AKAP11: variants seen among roughly 807,000 people sequenced by gnomAD.
AKAP11 encodes the protein A-kinase anchor protein 11.
In AKAP11, 36 loss-of-function variants were observed where a neutral mutation model predicts 146.1. The observed-to-expected ratio is 0.25, with a 90% confidence interval of 0.19 to 0.33. The LOEUF (loss-of-function observed/expected upper bound fraction) is 0.33, where lower values mean the gene tolerates loss of function less well. AKAP11 is among the 10% of genes least tolerant of loss of function. AKAP11 has a pLI of 1.00. For synonymous variants in AKAP11, 780 were observed against 786.5 expected, an observed-to-expected ratio of 0.99 and a Z score of 0.14; for missense variants, 2,201 against 2,197.0, an observed-to-expected ratio of 1.00 and a Z score of -0.04.
chr13:42,272,395 T>G (rs1040377082), intron 1 of AKAP11, among the ~76,000 whole-genome samples, 167 bp downstream of exon 1: 2 of 151,978 alleles, frequency 1.3e-5, no homozygotes, highest in Admixed American at 6.5e-5. Context: ...CGCCTTCGCA[T>G]GGCGGAGGGA....
chr13:42,273,209 T>A (rs1958822584), intron 1 of AKAP11, among the ~76,000 whole-genome samples: 1 of 152,248 alleles, frequency 6.6e-6, no homozygotes, highest in Admixed American at 6.5e-5. Flanking sequence ...TGTTATTTTG[T>A]TATGTCTGAA....
chr13:42,302,877 A>G lies in AKAP11; in HGVS notation c.4131A>G (p.Lys1377=). 6.2e-7 allele frequency: 1 copy of G among 1,614,130 alleles called. No individual in the cohort carries two copies. Among genetic ancestry groups the G allele is most frequent in the African/African-American group, 1.3e-5 (1 of 75,068 alleles). ...ATAGGCTTGCCTACCGATCTGTTAA[A>G]TCAGGATTACAGGAAGCAGCTAAGA... is the stretch of plus-strand genomic sequence containing the variant. ...YANRLAYRSV[K]SGLQEAAKTT... The change falls in exon 8 of 13, where the codon AAA becomes AAG. Residue 1377 remains lysine, a synonymous_variant. Transcript: ENST00000025301.
Position 42,297,110 on chromosome 13 carries a change from A to C in AKAP11, c.279A>C (p.Leu93=). The change falls in exon 6 of 13, where the codon CTA becomes CTC. Residue 93 remains leucine, a synonymous_variant. Coordinates refer to ENST00000025301, the MANE Select transcript of AKAP11 (RefSeq NM_016248.4). ...DILNSLHFCS[L]NENEIICMKN... ...TGAATTCACTCCACTTCTGCAGTCT[A>C]AATGAAAATGAAATTATTTGTATGA... 6.3e-7 allele frequency: 1 copy of C among 1,587,178 alleles called. No individual in the cohort carries two copies.
At position 42,301,836 on chromosome 13, in the gene AKAP11, A is replaced by G; in HGVS notation, c.3090A>G (p.Thr1030=). ...CACTGCCATCTTGTCCAGCTGTGAC[A>G]GGTCAGAAATCTGACTTGAAGGAAT... ...LETLPSCPAV[T]GQKSDLKESA... The change falls in exon 8 of 13, where the codon ACA becomes ACG. Residue 1030 remains threonine (T), a synonymous_variant. Coordinates refer to ENST00000025301, the MANE Select transcript of AKAP11 (RefSeq NM_016248.4). 3.1e-6 allele frequency: 5 copies of G among 1,614,178 alleles called. No homozygotes were observed. Among genetic ancestry groups the G allele is most frequent in the Non-Finnish European group, 4.2e-6 (5 of 1,180,002 alleles).
intron 9 of AKAP11, among the ~76,000 whole-genome samples, chr13:42,310,490 A>C (rs1000093202): frequency 6.6e-6 from 1 of 152,236 alleles, no homozygotes; most frequent in African/African-American, 2.4e-5. Context: ...GATATGTTGC[A>C]TCTGTTGATG....
intron 3 of AKAP11, among the ~76,000 whole-genome samples, chr13:42,288,226 T>C (rs1281511888): frequency 6.6e-6 from 1 of 152,222 alleles, no homozygotes; most frequent in Non-Finnish European, 1.5e-5. Context: ...AAATATTTAT[T>C]GGGAATTAAT....
In AKAP11 at chr13:42,302,713, C is replaced by A; in HGVS notation, c.3967C>A (p.Pro1323Thr). 6.2e-7 allele frequency: 1 copy of A among 1,613,886 alleles called. No homozygotes were observed. The highest frequency in any genetic ancestry group is 8.5e-7 in the Non-Finnish European group (1 of 1,179,974). ...AGTGGATCCGTTTATTCTTTCATTA[C>A]CACCAAGTTCTTGTATGTCAGGTCT... ...REVDPFILSLPPSSCMSGLMY... is the reference protein window; with the variant it reads ...REVDPFILSLTPSSCMSGLMY... The change falls in exon 8 of 13, where the codon CCA becomes ACA. Residue 1323 changes from proline to threonine, a missense_variant. Transcript: ENST00000025301.
chr13:42,319,943 G>GTGTGTGTGTGTT lies in AKAP11; in HGVS notation c.*722_*723insGTGTTTGTGTGT, dbSNP rs1961012200. 1 of 145,874 alleles carries GTGTGTGTGTGTT rather than the reference G, an allele frequency of 6.9e-6. No homozygotes were observed. Among genetic ancestry groups the GTGTGTGTGTGTT allele is most frequent in the Non-Finnish European group, 1.5e-5 (1 of 64,830 alleles). 9.0% of individuals were successfully genotyped at this position (145,874 alleles called of 1,614,324 possible). A position where few individuals can be genotyped will look rare whatever the true frequency, so the allele number is the denominator to read the frequency against. On this transcript the variant is annotated 3_prime_UTR_variant, in exon 13 of 13. Coordinates refer to ENST00000025301, the MANE Select transcript of AKAP11 (RefSeq NM_016248.4). ...TGTGTGTGTGTGTGTGTGTGTGTGTGTGTGTGTAAGGGAGTACTTTAACCT... is the reference window on the plus strand; with the variant it reads ...TGTGTGTGTGTGTGTGTGTGTGTGTGTGTGTGTGTGTTTGTGTGTAAGGGAGTACTTTAACCT...
intron 3 of AKAP11, 53 bp downstream of exon 3, chr13:42,286,452 A>AT (rs768803905): frequency 7.2e-4 from 1,006 of 1,397,500 alleles, no homozygotes; most frequent in South Asian, 1.2e-3. Context: ...TAAAATGTTG[A>AT]TTTTTTTTTA....
chr13:42,313,737 G>A (rs1447510575), intron 10 of AKAP11, among the ~76,000 whole-genome samples, 157 bp from the exon 11 acceptor site: 3 of 152,146 alleles, frequency 2.0e-5, no homozygotes, highest in African/African-American at 7.2e-5. Context: ...AATGATGTGA[G>A]AAGCAAAGCT....
chr13:42,300,748 C>T lies in AKAP11; in HGVS notation c.2002C>T (p.Pro668Ser), dbSNP rs375186072. The T allele has an allele frequency of 6.1e-5, 98 of 1,613,940 alleles. No individual in the cohort carries two copies. The highest frequency in any genetic ancestry group is 3.3e-5 in the Admixed American group (2 of 59,990). Residue 668 changes from proline to serine, a missense_variant, in exon 8 of 13, where the codon CCT becomes TCT. This residue lies in a region of AKAP11 where 1,867 missense variants were observed against 1,833.5 expected (regional missense o/e 1.02). Transcript: ENST00000025301. ...GIMEVCQFSY[P>S]QTPASPQCGS... ...CATGGAGGTGTGTCAGTTTTCATAT[C>T]CTCAAACGCCTGCATCTCCACAGTG...
chr13:42,309,968 T>G (rs868460005), intron 9 of AKAP11, among the ~76,000 whole-genome samples: 6 of 152,162 alleles, frequency 3.9e-5, no homozygotes, highest in Admixed American at 2.0e-4. Flanking sequence ...TCTTACCGGT[T>G]TCTGTCCTTG....
At chr13:42,305,597 TATAA>T (rs1186179698) in intron 8 of AKAP11, among the ~76,000 whole-genome samples, 1 of 152,242 alleles carries the variant, frequency 6.6e-6, no homozygotes, top group Admixed American at 6.5e-5. Context: ...TTTCAGTATT[TATAA>T]ATAAAGTTTT....
In AKAP11 at chr13:42,301,124, A is replaced by G; in HGVS notation, c.2378A>G (p.His793Arg). 4 of 1,614,094 alleles carry G rather than the reference A, an allele frequency of 2.5e-6. No individual in the cohort carries two copies. Among genetic ancestry groups the G allele is most frequent in the Non-Finnish European group, 3.4e-6 (4 of 1,179,972 alleles). The change falls in exon 8 of 13, where the codon CAT (histidine) becomes CGT (arginine). Residue 793 changes from histidine (H) to arginine (R), a missense_variant. His to Arg is a conservative substitution (Grantham distance 29). Transcript: ENST00000025301. ...PLAGSALLPY[H>R]ISSTACQAKA... The stretch of plus-strand genomic sequence containing the variant: ...GCAGGAAGTGCCCTTCTCCCATATC[A>G]TATTTCATCTACTGCATGTCAGGCC...
At chr13:42,279,831 G>A (rs754513994) in intron 1 of AKAP11, among the ~76,000 whole-genome samples, 6 of 152,104 alleles carry the variant, frequency 3.9e-5, no homozygotes, top group Non-Finnish European at 8.8e-5. Context: ...TAGTTGGGGT[G>A]CACAGTTACT....
rs1260878749 is a variant in AKAP11, at chr13:42,299,997, T to C, written c.1251T>C (p.Pro417=). 1 of 1,613,968 alleles carries C rather than the reference T, an allele frequency of 6.2e-7. No individual in the cohort carries two copies. The highest frequency in any genetic ancestry group is 1.1e-5 in the South Asian group (1 of 91,074). Residue 417 remains proline (P), a synonymous_variant, in exon 8 of 13, where the codon CCT becomes CCC. Transcript: ENST00000025301. The part of the protein sequence containing the change: ...ALPANVRKPT[P]RKPESPYGNL... The stretch of plus-strand genomic sequence containing the variant: ...CAGCTAATGTTAGAAAGCCAACTCC[T>C]CGTAAACCAGAATCTCCATATGGTA...
At chr13:42,309,545 C>T (rs1030661786) in intron 9 of AKAP11, among the ~76,000 whole-genome samples, 2 of 152,036 alleles carry the variant, frequency 1.3e-5, no homozygotes, top group Admixed American at 6.6e-5. Context: ...CACTTCATCT[C>T]GAAGAGTTTT....
chr13:42,302,070 A>G lies in AKAP11; in HGVS notation c.3324A>G (p.Pro1108=). 1 of 1,614,162 alleles carries G rather than the reference A, an allele frequency of 6.2e-7. No individual in the cohort carries two copies. Residue 1108 remains proline (P), a synonymous_variant, in exon 8 of 13, where the codon CCA becomes CCG. Coordinates refer to ENST00000025301, the MANE Select transcript of AKAP11 (RefSeq NM_016248.4). ...PDTPPSTPLV[P]SRASSEWDIK... ...CTCCTCCATCAACTCCTCTAGTACCATCCCGGGCTAGTTCTGAATGGGATA... is the reference window on the plus strand; with the variant it reads ...CTCCTCCATCAACTCCTCTAGTACCGTCCCGGGCTAGTTCTGAATGGGATA...
intron 3 of AKAP11, among the ~76,000 whole-genome samples, chr13:42,289,788 T>C (rs995841657): frequency 3.3e-5 from 5 of 152,206 alleles, no homozygotes; most frequent in African/African-American, 1.2e-4. Flanking sequence ...TTTTCCTGTT[T>C]TGATTTCCTG....
Sources: allele counts gnomAD v4.1 joint callset (sites outside exome capture counted in the v4.1 genomes callset), GRCh38; gene constraint gnomAD v4.1.1; regional missense constraint gnomAD v4.1.1; transcripts MANE v1.5; gene names NCBI Gene and HGNC (gene_info 2026-07-23, HGNC 2026-07-21).